The following FOXP2 variants were observed in gnomAD, a reference collection of about 807,000 sequenced individuals.
FOXP2 encodes forkhead box P2.
Under a neutral mutation model 115.8 loss-of-function variants are expected in FOXP2, and 12 were observed. That is an observed-to-expected ratio of 0.10 (90% CI 0.07 to 0.17). The LOEUF (loss-of-function observed/expected upper bound fraction) is 0.17, where lower values mean the gene tolerates loss of function less well. Among genes scored for constraint, FOXP2 ranks in the 10% least tolerant of loss-of-function variants. The pLI is 1.00. For missense variants in FOXP2, 629 were observed against 843.5 expected (o/e 0.75, Z 3.15); for synonymous variants, 328 against 297.7 (o/e 1.10, Z -1.05).
At chr7:114,302,964 T>C (rs1262144752) in intron 2 of FOXP2, among the ~76,000 whole-genome samples, 1 of 152,118 alleles carries the variant, frequency 6.6e-6, no homozygotes, top group Admixed American at 6.6e-5. Context: ...AAGGGGGTCC[T>C]GAGCTCAAGA....
At chr7:114,686,138 T>A (rs1189413814) in intron 16 of FOXP2, among the ~76,000 whole-genome samples, 4 of 152,146 alleles carry the variant, frequency 2.6e-5, no homozygotes, top group East Asian at 1.9e-4. Context: ...AAGTTTTTTT[T>A]ATACTATAGT....
At chr7:114,340,995 T>G (rs1791187773) in intron 2 of FOXP2, among the ~76,000 whole-genome samples, 1 of 151,266 alleles carries the variant, frequency 6.6e-6, no homozygotes, top group Admixed American at 6.6e-5. Context: ...GTTAAGCTTT[T>G]TATTTTAAAA....
chr7:114,213,829 T>C (rs1794418515), intron 1 of FOXP2, among the ~76,000 whole-genome samples: 1 of 152,194 alleles, frequency 6.6e-6, no homozygotes, highest in South Asian at 2.1e-4. Flanking sequence ...GGAAAATCTG[T>C]TAACTTAGCA....
At chr7:114,132,614 A>G (rs934070639) in intron 1 of FOXP2, among the ~76,000 whole-genome samples, 1 of 148,228 alleles carries the variant, frequency 6.7e-6, no homozygotes, top group African/African-American at 2.5e-5. Flanking sequence ...AGAGAGAGAG[A>G]GATGGGGTGG....
chr7:114,379,385 C>T (rs1792223666), intron 2 of FOXP2, among the ~76,000 whole-genome samples: 1 of 152,094 alleles, frequency 6.6e-6, no homozygotes, highest in Admixed American at 6.5e-5. Context: ...TCTTAGTCAG[C>T]CTAGGAAATC....
chr7:114,478,885 G>A (rs1464268807), intron 2 of FOXP2, among the ~76,000 whole-genome samples: 1 of 151,572 alleles, frequency 6.6e-6, no homozygotes, highest in Non-Finnish European at 1.5e-5. Flanking sequence ...TGGTGCTTCA[G>A]TAGCGTATTA....
rs143938107 is a variant in FOXP2 at position 114,520,998 on chromosome 7, C to G, written c.169-13619C>G. 5.7e-3 allele frequency among the ~76,000 whole-genome samples: 865 copies of G among 152,158 alleles called. 6 individuals carry two copies. The highest frequency in any genetic ancestry group is 0.019 in the African/African-American group (802 of 41,524). ...TTAAAATTACAAAAATGGGAAAAGT[C>G]TAAATATCTATCAGAAGAGGATTGT... On this transcript the variant is annotated intron_variant, in intron 2 of 16. Coordinates refer to ENST00000350908, the MANE Select transcript of FOXP2 (RefSeq NM_014491.4).
intron 3 of FOXP2, among the ~76,000 whole-genome samples, chr7:114,611,262 A>G (rs1478303179): frequency 1.3e-5 from 2 of 152,224 alleles, no homozygotes; most frequent in African/African-American, 4.8e-5. Flanking sequence ...ATGTGAACAC[A>G]TTTAAAAATT....
intron 2 of FOXP2, among the ~76,000 whole-genome samples, chr7:114,308,046 T>A (rs1797057535): frequency 6.6e-6 from 1 of 152,098 alleles, no homozygotes; most frequent in African/African-American, 2.4e-5. Context: ...TCTAAGGTGT[T>A]TTCACTTAGT....
intron 2 of FOXP2, among the ~76,000 whole-genome samples, chr7:114,486,303 A>G (rs1796770720): frequency 6.6e-6 from 1 of 152,110 alleles, no homozygotes; most frequent in Non-Finnish European, 1.5e-5. Flanking sequence ...TATTTATAAA[A>G]TTATCAAATC....
At chr7:114,356,452 A>C (rs1791619215) in intron 2 of FOXP2, among the ~76,000 whole-genome samples, 1 of 152,176 alleles carries the variant, frequency 6.6e-6, no homozygotes, top group Non-Finnish European at 1.5e-5. Context: ...AAAAGGTAAA[A>C]TTGAGAAATT....
chr7:114,539,804 T>C (rs1799569028), intron 3 of FOXP2, among the ~76,000 whole-genome samples: 1 of 152,030 alleles, frequency 6.6e-6, no homozygotes, highest in African/African-American at 2.4e-5. Context: ...CTAAGCATGC[T>C]TGTGTGGAAA....
At chr7:114,643,707 T>C (rs1254524569) in intron 7 of FOXP2, among the ~76,000 whole-genome samples, 1 of 152,160 alleles carries the variant, frequency 6.6e-6, no homozygotes, top group Non-Finnish European at 1.5e-5. Context: ...TTGCATATAG[T>C]TCATAAACTA....
At chr7:114,407,844 C>A (rs943529749) in intron 2 of FOXP2, among the ~76,000 whole-genome samples, 2 of 151,988 alleles carry the variant, frequency 1.3e-5, no homozygotes, top group African/African-American at 4.8e-5. Flanking sequence ...TGTAAAAGCC[C>A]CAAGAACCAG....
At chr7:114,387,275 CT>C (rs1387554384) in intron 2 of FOXP2, among the ~76,000 whole-genome samples, 1 of 152,110 alleles carries the variant, frequency 6.6e-6, no homozygotes, top group Non-Finnish European at 1.5e-5. Context: ...ACATATGTTA[CT>C]CTTCAAAATT....
At chr7:114,658,364 T>C in intron 11 of FOXP2, 97 bp downstream of exon 11, 1 of 1,225,912 alleles carries the variant, frequency 8.2e-7, no homozygotes, top group Non-Finnish European at 1.2e-6. Flanking sequence ...ACATGGAAAC[T>C]CATGTCATGA....
chr7:114,599,903 G>A (rs1383629071), intron 3 of FOXP2, among the ~76,000 whole-genome samples: 1 of 152,048 alleles, frequency 6.6e-6, no homozygotes, highest in Non-Finnish European at 1.5e-5. Context: ...AGAAGAATTA[G>A]GCATAAAATA....
In FOXP2 at chr7:114,693,244, C is replaced by T. The variant is rs558808464; in HGVS notation, c.*3318C>T. On this transcript the variant is annotated 3_prime_UTR_variant, in exon 17 of 17. Coordinates refer to ENST00000350908, the MANE Select transcript of FOXP2 (RefSeq NM_014491.4). ...AACTCAGATATGGAGAAAATGTCATCAGCATTCTGTGTCTACAGCTGCTTA... is the reference window on the plus strand; with the variant it reads ...AACTCAGATATGGAGAAAATGTCATTAGCATTCTGTGTCTACAGCTGCTTA... 58 of 449,370 alleles carry T rather than the reference C, an allele frequency of 1.3e-4. No individual in the cohort carries two copies. Among genetic ancestry groups the T allele is most frequent in the Non-Finnish European group, 2.1e-4 (46 of 223,888 alleles). The allele number at this position is 449,370 out of a possible 1,614,324, so 27.8% of individuals were successfully genotyped here.
chr7:114,114,053 A>G (rs1316220086), intron 1 of FOXP2, among the ~76,000 whole-genome samples: 1 of 152,018 alleles, frequency 6.6e-6, no homozygotes, highest in African/African-American at 2.4e-5. Flanking sequence ...AATATGAAGT[A>G]GAAAATAAAA....
Sources: gnomAD v4.1 joint callset for allele counts (sites outside exome capture counted in the v4.1 genomes callset) on GRCh38, gnomAD v4.1.1 for gene constraint, MANE v1.5 for transcripts, NCBI Gene and HGNC (gene_info 2026-07-23, HGNC 2026-07-21) for gene names.